Variants in TNFRSF10C observed in about 807,000 individuals in gnomAD.
TNFRSF10C encodes TNF receptor superfamily member 10c.
A neutral mutation model predicts 16.7 loss-of-function variants in TNFRSF10C; 17 were observed. The observed-to-expected ratio is 1.02, with a 90% CI of 0.70 to 1.53. The LOEUF (loss-of-function observed/expected upper bound fraction) is 1.53, where lower values mean the gene tolerates loss of function less well. Ranked by LOEUF, TNFRSF10C falls within the 40% of genes most tolerant of loss-of-function variation. The probability of loss-of-function intolerance (pLI) is 0.00; values close to 1 mark genes in which losing one functional copy is unlikely to be tolerated. For missense variants in TNFRSF10C, 237 were observed against 329.7 expected, an observed-to-expected ratio of 0.72 and a Z score of 2.18; for synonymous variants, 73 against 119.7, an observed-to-expected ratio of 0.61 and a Z score of 2.55.
chr8:23,105,513 C>T (rs149451229), intron 1 of TNFRSF10C, among the ~76,000 whole-genome samples: 18 of 151,960 alleles, frequency 1.2e-4, no homozygotes, highest in South Asian at 8.3e-4. Context: ...GTGAGGACAG[C>T]GATGGCACTG....
intron 3 of TNFRSF10C, among the ~76,000 whole-genome samples, 196 bp downstream of exon 3, chr8:23,114,966 G>A (rs538982920): frequency 1.3e-4 from 20 of 152,016 alleles, no homozygotes; most frequent in African/African-American, 3.9e-4. Flanking sequence ...CTGGGAAATC[G>A]TCTAAACTGT....
In TNFRSF10C at chr8:23,115,549, G is replaced by A; in HGVS notation, c.322G>A (p.Val108Met). 6.2e-7 allele frequency: 1 copy of A among 1,613,442 alleles called. No individual in the cohort carries two copies. Among genetic ancestry groups the A allele is most frequent in the African/African-American group, 1.3e-5 (1 of 75,036 alleles). Reference sequence around the variant, plus strand: ...TTCCTGCACCATGACCAGAGACACAGTGTGTCAGTGTAAAGAAGGCACCTT... The same window carrying A: ...TTCCTGCACCATGACCAGAGACACAATGTGTCAGTGTAAAGAAGGCACCTT... Reference protein sequence around the residue: ...KSSCTMTRDTVCQCKEGTFRN... With the variant: ...KSSCTMTRDTMCQCKEGTFRN... The change falls in exon 4 of 5, where the codon GTG becomes ATG. Residue 108 changes from valine (V) to methionine (M), a missense_variant. Transcript: ENST00000356864.
intron 2 of TNFRSF10C, among the ~76,000 whole-genome samples, chr8:23,113,307 C>A (rs1250189184): frequency 6.6e-6 from 1 of 152,082 alleles, no homozygotes; most frequent in East Asian, 1.9e-4. Flanking sequence ...TGTAATGTAA[C>A]CTCATTTGTC....
In TNFRSF10C at chr8:23,114,684, C is replaced by T; in HGVS notation, c.194C>T (p.Ala65Val). The T allele has an allele frequency of 1.2e-6, 2 of 1,613,972 alleles. No individual in the cohort carries two copies. Among genetic ancestry groups the T allele is most frequent in the Admixed American group, 3.3e-5 (2 of 60,026 alleles). Residue 65 changes from alanine (A) to valine (V), a missense_variant, in exon 3 of 5, where the codon GCC (alanine) becomes GTC (valine). Ala to Val is a moderately conservative substitution (Grantham distance 64). Around this residue, in one of 2 missense-constraint regions of TNFRSF10C, gnomAD observed 212 missense variants for 196.8 expected, o/e 1.08. Coordinates refer to ENST00000356864, the MANE Select transcript of TNFRSF10C (RefSeq NM_003841.5). ...AGSHRSEHTGACNPCTEGVDY... is the reference protein window; with the variant it reads ...AGSHRSEHTGVCNPCTEGVDY... ...TCTCATAGATCAGAACATACTGGAG[C>T]CTGTAACCCGTGCACAGAGGGTGTG...
intron 3 of TNFRSF10C, among the ~76,000 whole-genome samples, 192 bp downstream of exon 3, chr8:23,114,962 A>G (rs1813949536): frequency 6.6e-6 from 1 of 152,224 alleles, no homozygotes; most frequent in Non-Finnish European, 1.5e-5. Context: ...CTGGCTGGGA[A>G]ATCGTCTAAA....
At chr8:23,115,873 C>G (rs1237570592) in intron 4 of TNFRSF10C, among the ~76,000 whole-genome samples, 1 of 152,108 alleles carries the variant, frequency 6.6e-6, no homozygotes, top group East Asian at 1.9e-4. Flanking sequence ...TCACTGGGCA[C>G]AAGAAGCAAC....
At position 23,114,693 on chromosome 8, in the gene TNFRSF10C, C is replaced by T. The variant is rs771607229; in HGVS notation, c.203C>T (p.Pro68Leu). 7.1e-5 allele frequency: 114 copies of T among 1,613,992 alleles called. No individual in the cohort carries two copies. Among genetic ancestry groups the T allele is most frequent in the Non-Finnish European group, 8.6e-5 (101 of 1,179,920 alleles). The change falls in exon 3 of 5, where the codon CCG becomes CTG. Residue 68 changes from proline (P) to leucine (L), a missense_variant. By Grantham distance (98) the Pro-to-Leu change is moderately conservative (BLOSUM62 -3). Coordinates refer to ENST00000356864, the MANE Select transcript of TNFRSF10C (RefSeq NM_003841.5). ...TCAGAACATACTGGAGCCTGTAACC[C>T]GTGCACAGAGGGTGTGGATTACACC... ...HRSEHTGACNPCTEGVDYTNA... is the reference protein window; with the variant it reads ...HRSEHTGACNLCTEGVDYTNA...
intron 1 of TNFRSF10C, 79 bp from the exon 2 acceptor site, chr8:23,111,641 G>A (rs528832119): frequency 8.9e-7 from 1 of 1,121,476 alleles, no homozygotes; most frequent in Non-Finnish European, 1.3e-6. Flanking sequence ...GTCACTTGGG[G>A]TGAAGGGAAT....
chr8:23,117,142 C>T lies in TNFRSF10C; in HGVS notation c.*111C>T. ...TGCCCTGCCTCCCTCTGCTGTGTTC[C>T]CACAGACAGAAACGCCTGCCCCTGC... On this transcript the variant is annotated 3_prime_UTR_variant, in exon 5 of 5. Transcript: ENST00000356864. The T allele has an allele frequency of 6.7e-7, 1 of 1,486,944 alleles. No individual in the cohort carries two copies. The highest frequency in any genetic ancestry group is 2.1e-5 in the Admixed American group (1 of 47,370). 92.1% of individuals were successfully genotyped at this position (1,486,944 alleles called of 1,614,324 possible).
At chr8:23,110,131 A>T (rs1222383732) in intron 1 of TNFRSF10C, among the ~76,000 whole-genome samples, 1 of 148,930 alleles carries the variant, frequency 6.7e-6, no homozygotes, top group African/African-American at 2.5e-5. Flanking sequence ...AAAGGATTTT[A>T]AAAAACACTA....
chr8:23,106,397 C>A (rs907832919), intron 1 of TNFRSF10C, among the ~76,000 whole-genome samples: 40 of 147,796 alleles, frequency 2.7e-4, no homozygotes, highest in African/African-American at 9.7e-4. Flanking sequence ...GGGAGGGGAG[C>A]GAAGCTCTCC....
At position 23,103,330 on chromosome 8, in the gene TNFRSF10C, G is replaced by T. The variant is rs1437279600; in HGVS notation, c.60+149G>T. The T allele has an allele frequency of 4.3e-6, 6 of 1,393,286 alleles. 1 individual carries two copies. The South Asian group carries it at 6.2e-5, about 14-fold the overall frequency. 86.3% of individuals were successfully genotyped at this position (1,393,286 alleles called of 1,614,324 possible). A position where few individuals can be genotyped will look rare whatever the true frequency, so the allele number is the denominator to read the frequency against. On this transcript the variant is annotated intron_variant, in intron 1 of 4. Coordinates refer to ENST00000356864, the MANE Select transcript of TNFRSF10C (RefSeq NM_003841.5). ...GACGAACTCGCCGTCGGAGTCAGGG[G>T]AAGAACTGGGTCCCCGGGCTGGGCA...
rs1036309508 is a variant in TNFRSF10C at position 23,117,159 on chromosome 8, T to C, written c.*128T>C. 18 of 1,379,342 alleles carry C rather than the reference T, an allele frequency of 1.3e-5. No individual in the cohort carries two copies. The African/African-American group carries it at 2.3e-4, about 18-fold the overall frequency. 85.4% of individuals were successfully genotyped at this position (1,379,342 alleles called of 1,614,324 possible). A position where few individuals can be genotyped will look rare whatever the true frequency, so the allele number is the denominator to read the frequency against. ...CTGTGTTCCCACAGACAGAAACGCCTGCCCCTGCCCCAAGTCCTGGTGTCT... is the reference window on the plus strand; with the variant it reads ...CTGTGTTCCCACAGACAGAAACGCCCGCCCCTGCCCCAAGTCCTGGTGTCT... On this transcript the variant is annotated 3_prime_UTR_variant, in exon 5 of 5. Transcript: ENST00000356864.
In TNFRSF10C at chr8:23,116,653, G is replaced by C; in HGVS notation, c.402G>C (p.Gly134=). 2 of 1,613,778 alleles carry C rather than the reference G, an allele frequency of 1.2e-6. No homozygotes were observed. Among genetic ancestry groups the C allele is most frequent in the Non-Finnish European group, 8.5e-7 (1 of 1,179,730 alleles). The change falls in exon 5 of 5, where the codon GGG becomes GGC. Residue 134 remains glycine, a synonymous_variant. Coordinates refer to ENST00000356864, the MANE Select transcript of TNFRSF10C (RefSeq NM_003841.5). The stretch of plus-strand genomic sequence containing the variant: ...TGTGTGTACCCAGGTGCCCTAGTGG[G>C]GAAGTCCAAGTCAGTAATTGTACGT... The part of the protein sequence containing the change: ...MCRKCSRCPS[G]EVQVSNCTSW...
Position 23,116,937 on chromosome 8 carries a change from T to C in TNFRSF10C, c.686T>C (p.Ile229Thr), listed in dbSNP as rs9644063. The C allele has an allele frequency of 0.23, 22,213 of 96,788 alleles. 4,845 individuals carry two copies. Among genetic ancestry groups the C allele is most frequent in the East Asian group, 0.57 (5,232 of 9,248 alleles). 6.0% of individuals were successfully genotyped at this position (96,788 alleles called of 1,614,324 possible). The stretch of plus-strand genomic sequence containing the variant: ...GCCCCAGCTGCTGAAGAGACAATGA[T>C]CACCAGCCCGGGGACTCCTGCCTCT... ...TPAPAAEETM[I>T]TSPGTPASSH... Residue 229 changes from isoleucine (I) to threonine (T), a missense_variant, in exon 5 of 5, where the codon ATC (isoleucine) becomes ACC (threonine). Ile to Thr is a moderately conservative substitution (Grantham distance 89). This residue lies in a region of TNFRSF10C where 25 missense variants were observed against 133.0 expected (regional missense o/e 0.19). Coordinates refer to ENST00000356864, the MANE Select transcript of TNFRSF10C (RefSeq NM_003841.5).
intron 2 of TNFRSF10C, among the ~76,000 whole-genome samples, chr8:23,112,354 G>T (rs1227918718): frequency 6.6e-6 from 1 of 152,164 alleles, no homozygotes; most frequent in East Asian, 1.9e-4. Flanking sequence ...TGGATAGAAG[G>T]CAGGACTGTA....
intron 3 of TNFRSF10C, among the ~76,000 whole-genome samples, chr8:23,115,238 C>T (rs898910362): frequency 3.3e-5 from 5 of 152,136 alleles, no homozygotes; most frequent in African/African-American, 1.2e-4. Context: ...TTGCACCTCC[C>T]TTGCTACTGA....
At position 23,103,083 on chromosome 8, in the gene TNFRSF10C, G is replaced by A. The variant is rs200834372; in HGVS notation, c.-39G>A. On this transcript the variant is annotated 5_prime_UTR_variant, in exon 1 of 5. In the 5' UTR this introduces an upstream ATG that the reference lacks. Coordinates refer to ENST00000356864, the MANE Select transcript of TNFRSF10C (RefSeq NM_003841.5). ...CCGGCCGCCTGATGGCCGAGGCAGG[G>A]TGCGACCCAGGACCCAGGACGGCGT... is the stretch of plus-strand genomic sequence containing the variant. The A allele has an allele frequency of 1.1e-5, 17 of 1,600,484 alleles. No individual in the cohort carries two copies. The highest frequency in any genetic ancestry group is 1.4e-5 in the Non-Finnish European group (17 of 1,174,178).
At chr8:23,115,051 G>T (rs1340470097) in intron 3 of TNFRSF10C, among the ~76,000 whole-genome samples, 30 of 151,290 alleles carry the variant, frequency 2.0e-4, no homozygotes, top group African/African-American at 6.4e-4. Context: ...GGTTTCAGTA[G>T]TGGCACGGGT....
Sources: gnomAD v4.1 joint callset for allele counts (sites outside exome capture counted in the v4.1 genomes callset) on GRCh38, gnomAD v4.1.1 for gene constraint, gnomAD v4.1.1 regional missense constraint, MANE v1.5 for transcripts, NCBI Gene and HGNC (gene_info 2026-07-23, HGNC 2026-07-21) for gene names.